TRPC5: variants seen among roughly 807,000 people sequenced by gnomAD.
TRPC5 encodes the protein transient receptor potential cation channel subfamily C member 5.
In TRPC5, 9 loss-of-function variants were observed where a neutral mutation model predicts 56.5. The ratio of observed to expected loss-of-function variants is 0.16; its 90% confidence interval spans 0.10 to 0.28. The LOEUF is 0.28. Ranked by LOEUF, TRPC5 falls within the 10% of genes least tolerant of loss-of-function variation. The pLI, the probability that TRPC5 is intolerant of heterozygous loss-of-function variation, is 1.00. For missense variants in TRPC5, 469 were observed against 748.9 expected (o/e 0.63, Z 4.36); for synonymous variants, 282 against 278.5 (o/e 1.01, Z -0.13).
intron 6 of TRPC5, among the ~76,000 whole-genome samples, chrX:111,843,279 T>C (rs1359410442): frequency 7.2e-5 from 8 of 111,798 alleles, no homozygotes; most frequent in Non-Finnish European, 1.5e-4. Context: ...AAGATGGGAG[T>C]CTCAGTCTGG....
At chrX:112,027,496 T>C (rs1602399176) in intron 1 of TRPC5, among the ~76,000 whole-genome samples, 1 of 111,542 alleles carries the variant, frequency 9.0e-6, no homozygotes, top group South Asian at 3.8e-4. Context: ...AAGTTATTTC[T>C]TTTCTTTTCT....
chrX:111,828,828 C>G (rs752202109), intron 7 of TRPC5, among the ~76,000 whole-genome samples: 1 of 111,974 alleles, frequency 8.9e-6, no homozygotes. Flanking sequence ...GAAGTCCAGG[C>G]TGAGGTGAGG....
chrX:112,019,263 A>C (rs1305132702), intron 1 of TRPC5, among the ~76,000 whole-genome samples: 3 of 112,048 alleles, frequency 2.7e-5, no homozygotes, highest in Non-Finnish European at 5.6e-5. Flanking sequence ...TTTCAGTGAG[A>C]AATAAATTAT....
At chrX:111,906,378 G>A (rs747690362) in intron 3 of TRPC5, among the ~76,000 whole-genome samples, 26 of 110,016 alleles carry the variant, frequency 2.4e-4, no homozygotes, top group African/African-American at 8.5e-4. Context: ...CAAAAAAAAG[G>A]TGTCATTAAC....
At position 111,775,272 on chromosome X, in the gene TRPC5, A is replaced by G. The variant is rs1239034126; in HGVS notation, c.*1041T>C. 8.9e-6 allele frequency: 1 copy of G among 112,246 alleles called. No homozygotes were observed. Among genetic ancestry groups the G allele is most frequent in the Non-Finnish European group, 1.9e-5 (1 of 53,291 alleles). 9.3% of individuals were successfully genotyped at this position (112,246 alleles called of 1,213,427 possible). A position where few individuals can be genotyped will look rare whatever the true frequency, so the allele number is the denominator to read the frequency against. On this transcript the variant is annotated 3_prime_UTR_variant, in exon 11 of 11. Transcript: ENST00000262839. ...ATCTATACCTAAAGTTGCCATTTTT[A>G]TAAAGCAGTTAATTAAAATGAAGAT...
At chrX:111,792,314 G>C (rs1274833353) in intron 7 of TRPC5, among the ~76,000 whole-genome samples, 1 of 110,344 alleles carries the variant, frequency 9.1e-6, no homozygotes, top group African/African-American at 3.3e-5. Flanking sequence ...TTGGGGTCGG[G>C]GGCAAGGGGA....
At chrX:112,066,982 G>A (rs1051923784) in intron 1 of TRPC5, among the ~76,000 whole-genome samples, 1 of 111,962 alleles carries the variant, frequency 8.9e-6, no homozygotes, top group Non-Finnish European at 1.9e-5. Context: ...TATACAGCCC[G>A]GCATCTTACC....
intron 7 of TRPC5, among the ~76,000 whole-genome samples, chrX:111,789,164 A>ATAC (rs1263912686): frequency 3.6e-5 from 4 of 112,021 alleles, no homozygotes; most frequent in Non-Finnish European, 5.6e-5. Flanking sequence ...ACTTCAAACT[A>ATAC]TACTACAAGG....
At chrX:111,968,093 C>G (rs189606200) in intron 1 of TRPC5, among the ~76,000 whole-genome samples, 1 of 108,060 alleles carries the variant, frequency 9.3e-6, no homozygotes, top group African/African-American at 3.6e-5. Context: ...GGGCTCATAT[C>G]CAGAATCTAC....
intron 2 of TRPC5, among the ~76,000 whole-genome samples, chrX:111,938,479 A>G (rs77773832): frequency 3.6e-5 from 4 of 111,388 alleles, no homozygotes; most frequent in Admixed American, 9.5e-5. Context: ...TATTGGCTGC[A>G]GGTTTGTCAC....
chrX:111,778,903 A>G, intron 10 of TRPC5, 82 bp downstream of exon 10: 1 of 672,940 alleles, frequency 1.5e-6, no homozygotes, highest in African/African-American at 2.2e-5. Context: ...ATGAAATTCC[A>G]TCACCAGAAA....
At chrX:111,793,396 A>G (rs1182168570) in intron 7 of TRPC5, among the ~76,000 whole-genome samples, 5 of 112,377 alleles carry the variant, frequency 4.4e-5, no homozygotes, top group Admixed American at 9.4e-5. Flanking sequence ...AATCGTTTGA[A>G]TAGACATTTC....
intron 7 of TRPC5, among the ~76,000 whole-genome samples, chrX:111,789,228 T>C (rs1028423944): frequency 2.7e-5 from 3 of 111,183 alleles, no homozygotes; most frequent in Non-Finnish European, 5.7e-5. Flanking sequence ...TATAGACCAA[T>C]GGAACAGAAC....
At chrX:111,825,440 C>T (rs1233147935) in intron 7 of TRPC5, among the ~76,000 whole-genome samples, 2 of 108,206 alleles carry the variant, frequency 1.8e-5, no homozygotes, top group Non-Finnish European at 3.8e-5. Context: ...TTTGTAGAGA[C>T]GGGGTTTCAC....
chrX:111,964,872 G>A (rs976399520), intron 1 of TRPC5, among the ~76,000 whole-genome samples: 1 of 111,915 alleles, frequency 8.9e-6, no homozygotes, highest in South Asian at 3.7e-4. Flanking sequence ...GCAAAAACAT[G>A]CTAAAATGTA....
chrX:112,001,486 G>A (rs1482065843), intron 1 of TRPC5, among the ~76,000 whole-genome samples: 4 of 112,349 alleles, frequency 3.6e-5, no homozygotes, highest in Non-Finnish European at 1.9e-5. Flanking sequence ...CAGACAAGGT[G>A]CAGGGACTCA....
At chrX:111,832,389 C>T (rs1433440267) in intron 7 of TRPC5, among the ~76,000 whole-genome samples, 1 of 112,286 alleles carries the variant, frequency 8.9e-6, no homozygotes, top group African/African-American at 3.2e-5. Context: ...CAGTCCCTAC[C>T]TAGACTGAAT....
At chrX:111,920,781 C>T (rs1226895924) in intron 2 of TRPC5, among the ~76,000 whole-genome samples, 1 of 111,712 alleles carries the variant, frequency 9.0e-6, no homozygotes, top group Non-Finnish European at 1.9e-5. Context: ...AGGTCTTTCT[C>T]AGGCCTCACA....
At chrX:111,856,831 A>C (rs950346422) in intron 3 of TRPC5, among the ~76,000 whole-genome samples, 3 of 108,249 alleles carry the variant, frequency 2.8e-5, no homozygotes, top group Non-Finnish European at 5.7e-5. Context: ...AAAAAAAAAA[A>C]AAAAACCATA....
Sources: allele counts gnomAD v4.1 joint callset (sites outside exome capture counted in the v4.1 genomes callset), GRCh38; gene constraint gnomAD v4.1.1; transcripts MANE v1.5; gene names NCBI Gene and HGNC (gene_info 2026-07-23, HGNC 2026-07-21).